Variants in PCDH15 observed in about 807,000 individuals in gnomAD.
PCDH15 encodes protocadherin-15.
In PCDH15, 129 loss-of-function variants were observed where a neutral mutation model predicts 178.5. The observed-to-expected ratio is 0.72, with a 90% confidence interval of 0.63 to 0.84. The LOEUF is 0.84. Among genes scored for constraint, PCDH15 ranks in the 40% least tolerant of loss-of-function variants. The pLI, the probability that PCDH15 is intolerant of heterozygous loss-of-function variation, is 0.00. For synonymous variants in PCDH15, 800 were observed against 732.0 expected (o/e 1.09, Z -1.50); for missense variants, 2,230 against 2,099.9 (o/e 1.06, Z -1.21).
At chr10:53,840,625 T>C (rs2077586352) in intron 28 of PCDH15, 129 bp from the exon 29 acceptor site, 2 of 868,794 alleles carry the variant, frequency 2.3e-6, no homozygotes, top group Admixed American at 4.1e-5. Context: ...TAATGTTTAC[T>C]GAATATAAAC....
intron 19 of PCDH15, among the ~76,000 whole-genome samples, chr10:54,021,287 G>T (rs2092912766): frequency 6.6e-6 from 1 of 152,106 alleles, no homozygotes; most frequent in Non-Finnish European, 1.5e-5. Context: ...AAATGGGGAA[G>T]ATCCAGAGTA....
In PCDH15 at chr10:54,915,267, T is replaced by A. The variant is rs1954881503; in HGVS notation, c.-79-17767A>T. On this transcript the variant is annotated intron_variant, in intron 2 of 5. Transcript: ENST00000458638. ...GCTACTTGAAGGTTGACCAGTACAATCTCTACAACAGAAGATTGAACCCAC... is the reference window on the plus strand; with the variant it reads ...GCTACTTGAAGGTTGACCAGTACAAACTCTACAACAGAAGATTGAACCCAC... 1.3e-5 allele frequency among the ~76,000 whole-genome samples: 2 copies of A among 152,174 alleles called. 1 individual carries two copies. The highest frequency in any genetic ancestry group is 4.1e-4 in the South Asian group (2 of 4,826).
At chr10:53,921,657 A>G (rs1476976366) in intron 25 of PCDH15, among the ~76,000 whole-genome samples, 4 of 152,170 alleles carry the variant, frequency 2.6e-5, no homozygotes, top group African/African-American at 9.7e-5. Context: ...GGCACTGCCC[A>G]AAAAGGAATT....
At chr10:55,323,351 A>G (rs1338885360), upstream of PCDH15, among the ~76,000 whole-genome samples, 1 of 152,178 alleles carries the variant, frequency 6.6e-6, no homozygotes, top group Admixed American at 6.5e-5. Flanking sequence ...GAAGAGGGCC[A>G]TTGTCCTCCA....
intron 18 of PCDH15, among the ~76,000 whole-genome samples, chr10:54,039,635 A>G (rs2093495806): frequency 6.6e-6 from 1 of 151,922 alleles, no homozygotes; most frequent in South Asian, 2.1e-4. Flanking sequence ...GAATTCCACT[A>G]ATTATTTTGA....
intron 2 of PCDH15, among the ~76,000 whole-genome samples, chr10:54,986,197 G>A (rs1839358985): frequency 6.6e-6 from 1 of 152,110 alleles, no homozygotes; most frequent in Non-Finnish European, 1.5e-5. Context: ...GAAGTGTTAA[G>A]GGAGAGGCTG....
chr10:55,051,199 G>T (rs969411023), intron 2 of PCDH15, among the ~76,000 whole-genome samples: 2 of 151,976 alleles, frequency 1.3e-5, no homozygotes, highest in Admixed American at 6.6e-5. Context: ...TATTAAAAAT[G>T]CAAACAGAAC....
intron 2 of PCDH15, among the ~76,000 whole-genome samples, chr10:55,537,771 G>A (rs1841613830): frequency 1.3e-5 from 2 of 152,014 alleles, no homozygotes. Flanking sequence ...CTTTGTTGCT[G>A]ATGTCTCTCC....
At chr10:53,971,673 G>T (rs1332596621) in intron 21 of PCDH15, among the ~76,000 whole-genome samples, 1 of 152,094 alleles carries the variant, frequency 6.6e-6, no homozygotes, top group East Asian at 1.9e-4. Context: ...AATCATGAGT[G>T]AATTCCCATT....
chr10:54,245,675 G>A (rs2055850251), intron 8 of PCDH15, among the ~76,000 whole-genome samples: 1 of 151,956 alleles, frequency 6.6e-6, no homozygotes, highest in Non-Finnish European at 1.5e-5. Context: ...AATTGGAACT[G>A]TTGAAGGCAT....
intron 2 of PCDH15, among the ~76,000 whole-genome samples, chr10:55,454,417 A>T (rs11004869): frequency 0.77 from 116,262 of 151,928 alleles, 45,843 homozygotes; most frequent in East Asian, 0.99. Flanking sequence ...AACTATAAAA[A>T]AAATCGAATT....
At chr10:55,214,119 C>G (rs11004777) in intron 1 of PCDH15, among the ~76,000 whole-genome samples, 39,419 of 151,718 alleles carry the variant, frequency 0.26, 5,396 homozygotes, top group Middle Eastern at 0.36. Context: ...AACATATTCT[C>G]TATGGTACTT....
At chr10:55,203,665 T>C (rs952662995) in intron 1 of PCDH15, among the ~76,000 whole-genome samples, 2 of 152,072 alleles carry the variant, frequency 1.3e-5, no homozygotes, top group African/African-American at 4.8e-5. Flanking sequence ...ATCCTTTAAA[T>C]ATCTTTCTCA....
Position 55,379,681 on chromosome 10 carries a change from A to G in PCDH15, c.-155-213030T>C, listed in dbSNP as rs116451828. ...GGCTCCAGAATCCATAACCTCAAAT[A>G]CTATATTTACCCCCACATACATAGT... On this transcript the variant is annotated intron_variant, in intron 2 of 5. Coordinates refer to the PCDH15 transcript ENST00000613346. Among the ~76,000 whole-genome samples, 833 of 152,142 alleles carry G rather than the reference A, an allele frequency of 5.5e-3. 14 individuals are homozygous for G. Among genetic ancestry groups the G allele is most frequent in the African/African-American group, 0.019 (781 of 41,524 alleles).
At chr10:55,041,053 ATTAT>A (rs1423137282) in intron 2 of PCDH15, among the ~76,000 whole-genome samples, 1 of 152,104 alleles carries the variant, frequency 6.6e-6, no homozygotes, top group Non-Finnish European at 1.5e-5. Context: ...ACATTTAAAT[ATTAT>A]TTATCTTGTA....
chr10:54,167,145 G>A (rs191402463), intron 13 of PCDH15, among the ~76,000 whole-genome samples: 10 of 152,236 alleles, frequency 6.6e-5, no homozygotes, highest in South Asian at 2.1e-4. Flanking sequence ...GCCGTGACTC[G>A]GATCGGGGGA....
At chr10:54,793,514 CA>C (rs1236730243) in intron 1 of PCDH15, among the ~76,000 whole-genome samples, 4 of 150,026 alleles carry the variant, frequency 2.7e-5, no homozygotes, top group South Asian at 4.2e-4. Context: ...TGGAATGTCT[CA>C]AAAAAATTTA....
intron 2 of PCDH15, among the ~76,000 whole-genome samples, chr10:55,486,959 A>G (rs1840310323): frequency 6.6e-6 from 1 of 151,578 alleles, no homozygotes; most frequent in South Asian, 2.1e-4. Flanking sequence ...CATTTCCACA[A>G]AATGCCTGTA....
In PCDH15 at chr10:54,132,924, A is replaced by C. The variant is rs1394308395; in HGVS notation, c.1868T>G (p.Leu623Arg). 2 of 1,614,070 alleles carry C rather than the reference A, an allele frequency of 1.2e-6. No homozygotes were observed. The highest frequency in any genetic ancestry group is 2.2e-5 in the South Asian group (2 of 91,080). Residue 623 changes from leucine to arginine, a missense_variant, in exon 15 of 38, where the codon CTT (leucine) becomes CGT (arginine). Physicochemically the swap from Leu to Arg is moderately radical, Grantham distance 102. Transcript: ENST00000644397. ...AACCCTCATGGCTTCACTAATTTCA[A>C]GGCTATACATCAGCTGTGGGAAGCG... The part of the protein sequence containing the change: ...PPRFPQLMYS[L>R]EISEAMRVGA...
Sources: gnomAD v4.1 joint callset for allele counts (sites outside exome capture counted in the v4.1 genomes callset) on GRCh38, gnomAD v4.1.1 for gene constraint, MANE v1.5 for transcripts, NCBI Gene and HGNC (gene_info 2026-07-23, HGNC 2026-07-21) for gene names.